The following AIG1 variants were observed in gnomAD, a reference collection of about 807,000 sequenced individuals.
AIG1 encodes androgen induced 1.
A neutral mutation model predicts 31.4 loss-of-function variants in AIG1; 23 were observed. The ratio of observed to expected loss-of-function variants is 0.73; its 90% confidence interval spans 0.53 to 1.04. The LOEUF (loss-of-function observed/expected upper bound fraction) is 1.04. AIG1 is among the 50% of genes least tolerant of loss of function. The probability of loss-of-function intolerance (pLI) is 0.00; values close to 1 mark genes in which losing one functional copy is unlikely to be tolerated. For missense variants in AIG1, 274 were observed against 295.0 expected, an observed-to-expected ratio of 0.93 and a Z score of 0.52; for synonymous variants, 100 against 110.5, an observed-to-expected ratio of 0.90 and a Z score of 0.60.
At chr6:143,124,097 T>C (rs527946408) in intron 1 of AIG1, among the ~76,000 whole-genome samples, 23 of 152,348 alleles carry the variant, frequency 1.5e-4, no homozygotes, top group Non-Finnish European at 7.3e-5. Flanking sequence ...AACAAAGTCA[T>C]GGTGAATTAC....
chr6:143,323,792 C>T (rs1420925957), intron 4 of AIG1, among the ~76,000 whole-genome samples: 1 of 152,120 alleles, frequency 6.6e-6, no homozygotes, highest in Admixed American at 6.5e-5. Flanking sequence ...ACTCAAGAAA[C>T]ATTCATTGAA....
In AIG1 at chr6:143,299,897, A is replaced by G. The variant is rs75271063; in HGVS notation, c.515+15672A>G. Among the ~76,000 whole-genome samples, 1 of 152,128 alleles carries G rather than the reference A, an allele frequency of 6.6e-6. No individual in the cohort carries two copies. The highest frequency in any genetic ancestry group is 2.4e-5 in the African/African-American group (1 of 41,416). ...TCACATCCTCCAGAAGCTTTCCCTGACATTCTGAGTCAGTGTCAGGTGCCC... is the reference window on the plus strand; with the variant it reads ...TCACATCCTCCAGAAGCTTTCCCTGGCATTCTGAGTCAGTGTCAGGTGCCC... On this transcript the variant is annotated intron_variant, in intron 4 of 5. Coordinates refer to ENST00000357847, the MANE Select transcript of AIG1 (RefSeq NM_016108.4). This position sits in a 1 kb window ranked among gnomAD's most constrained non-coding sequence, Gnocchi z 4.1.
rs532150951 is a variant in AIG1, at chr6:143,279,912, T to C, written c.400-4198T>C. 1.2e-4 allele frequency among the ~76,000 whole-genome samples: 19 copies of C among 152,344 alleles called. No homozygotes were observed. In the South Asian group the frequency reaches 3.7e-3, roughly 30 times the overall value. ...AAGACCAAAGGTTTACTCCTTGGGC[T>C]GTCAACCTTCATTTTACTTAGCTCT... On this transcript the variant is annotated intron_variant, in intron 3 of 5. Transcript: ENST00000357847. The surrounding 1 kb of genome is among the most constrained non-coding windows in gnomAD (Gnocchi z 5.4).
At chr6:143,316,488 G>A (rs1775750653) in intron 4 of AIG1, among the ~76,000 whole-genome samples, 1 of 152,010 alleles carries the variant, frequency 6.6e-6, no homozygotes, top group Non-Finnish European at 1.5e-5. Flanking sequence ...AGCAAAAGGG[G>A]ATACAGCAAA....
At position 143,137,002 on chromosome 6, in the gene AIG1, G is replaced by A. The variant is rs1462245637; in HGVS notation, c.297+12G>A. 2 of 1,381,150 alleles carry A rather than the reference G, an allele frequency of 1.4e-6. No individual in the cohort carries two copies. Among genetic ancestry groups the A allele is most frequent in the Non-Finnish European group, 1.9e-6 (2 of 1,052,316 alleles). The allele number at this position is 1,381,150 out of a possible 1,614,324, so 85.6% of individuals were successfully genotyped here. On this transcript the variant is annotated intron_variant, in intron 2 of 5. Transcript: ENST00000357847. ...TTCCTGTTGGGGTTGTGAGTATGAT[G>A]GAGGATGCATTTAGCCACAAAAGAA... is the stretch of plus-strand genomic sequence containing the variant.
intron 3 of AIG1, among the ~76,000 whole-genome samples, chr6:143,197,230 C>G (rs551192061): frequency 2.0e-5 from 3 of 151,396 alleles, no homozygotes; most frequent in African/African-American, 7.3e-5. Flanking sequence ...CTTTTTCTAA[C>G]TAAAATAATT....
chr6:143,331,784 C>T lies in AIG1; in HGVS notation c.516-1498C>T, dbSNP rs1412423099. Among the ~76,000 whole-genome samples the T allele has an allele frequency of 1.1e-4, 16 of 151,398 alleles. No homozygotes were observed. Among genetic ancestry groups the T allele is most frequent in the Admixed American group, 1.1e-3 (16 of 15,188 alleles). On this transcript the variant is annotated intron_variant, in intron 4 of 5. Transcript: ENST00000357847. The surrounding 1 kb of genome is among the most constrained non-coding windows in gnomAD (Gnocchi z 4.1). The stretch of plus-strand genomic sequence containing the variant: ...GGGGATCTCACCCTCATTGATAACG[C>T]AGGTTCTCAGGTATAGATCCCCAGG...
At chr6:143,234,384 ATAGAT>A (rs1188193262) in intron 3 of AIG1, among the ~76,000 whole-genome samples, 2 of 152,210 alleles carry the variant, frequency 1.3e-5, no homozygotes, top group Admixed American at 1.3e-4. Flanking sequence ...TCTTTCAGAA[ATAGAT>A]TAGAGTGATG....
intron 4 of AIG1, among the ~76,000 whole-genome samples, chr6:143,312,791 A>G (rs987247982): frequency 1.3e-5 from 2 of 150,992 alleles, no homozygotes; most frequent in Admixed American, 6.6e-5. Flanking sequence ...TGGGAAAAAA[A>G]ATACTTGAAA....
intron 2 of AIG1, among the ~76,000 whole-genome samples, chr6:143,150,870 T>C (rs946306190): frequency 6.6e-6 from 1 of 152,188 alleles, no homozygotes; most frequent in Non-Finnish European, 1.5e-5. Context: ...ATTAGTTTAG[T>C]ATAACTTTGT....
intron 3 of AIG1, among the ~76,000 whole-genome samples, chr6:143,270,471 T>A (rs1006483692): frequency 5.9e-5 from 9 of 152,240 alleles, no homozygotes; most frequent in Non-Finnish European, 1.3e-4. Flanking sequence ...ATGCTTTGTG[T>A]TGAAAGTGTG....
intron 3 of AIG1, among the ~76,000 whole-genome samples, chr6:143,202,706 A>G (rs2128608001): frequency 6.6e-6 from 1 of 152,226 alleles, no homozygotes; most frequent in South Asian, 2.1e-4. Context: ...GGAATGGGAG[A>G]TCACTGAAAC....
intron 2 of AIG1, among the ~76,000 whole-genome samples, chr6:143,140,332 AT>A (rs34358559): frequency 3.3e-5 from 5 of 151,550 alleles, no homozygotes; most frequent in African/African-American, 7.3e-5. Flanking sequence ...TTAACACAAA[AT>A]TTTTTTTTCA....
In AIG1 at chr6:143,327,674, A is replaced by G. The variant is rs1322442508; in HGVS notation, c.516-5608A>G. The G allele has an allele frequency of 5.9e-6, 1 of 169,462 alleles. No individual in the cohort carries two copies. The highest frequency in any genetic ancestry group is 1.2e-5 in the Non-Finnish European group (1 of 82,934). 10.5% of individuals were successfully genotyped at this position (169,462 alleles called of 1,614,324 possible). On this transcript the variant is annotated intron_variant, in intron 4 of 5. Coordinates refer to ENST00000357847, the MANE Select transcript of AIG1 (RefSeq NM_016108.4). This position sits in a 1 kb window ranked among gnomAD's most constrained non-coding sequence, Gnocchi z 5.3. ...GAACTAACTGCTGATTGTCAAATAC[A>G]TCAAATAAAGTTATAAAATTGTAAA...
At chr6:143,157,973 A>G (rs1288244183) in intron 2 of AIG1, among the ~76,000 whole-genome samples, 1 of 152,208 alleles carries the variant, frequency 6.6e-6, no homozygotes, top group African/African-American at 2.4e-5. Flanking sequence ...TATTTGTGAA[A>G]GGATAGAACT....
At chr6:143,155,844 G>T (rs1208990153) in intron 2 of AIG1, among the ~76,000 whole-genome samples, 1 of 152,178 alleles carries the variant, frequency 6.6e-6, no homozygotes, top group African/African-American at 2.4e-5. Flanking sequence ...AAGGAAGTTT[G>T]ATTTTTTGTC....
At position 143,330,077 on chromosome 6, in the gene AIG1, A is replaced by G. The variant is rs533604937; in HGVS notation, c.516-3205A>G. On this transcript the variant is annotated intron_variant, in intron 4 of 5. Transcript: ENST00000357847. This position sits in a 1 kb window ranked among gnomAD's most constrained non-coding sequence, Gnocchi z 4.4. ...GCCATATAGTAATGGCTCAATAAAC[A>G]GATGTTGCTGTTTATATTCCTTCAT... Among the ~76,000 whole-genome samples the G allele has an allele frequency of 4.5e-4, 69 of 152,310 alleles. No homozygotes were observed. The highest frequency in any genetic ancestry group is 3.7e-3 in the South Asian group (18 of 4,826).
At chr6:143,205,678 A>G (rs1337571708) in intron 3 of AIG1, among the ~76,000 whole-genome samples, 2 of 152,226 alleles carry the variant, frequency 1.3e-5, no homozygotes, top group Non-Finnish European at 2.9e-5. Flanking sequence ...TACAACACAG[A>G]TGTGGATTTT....
At chr6:143,251,529 G>C (rs1795014342) in intron 3 of AIG1, among the ~76,000 whole-genome samples, 1 of 140,352 alleles carries the variant, frequency 7.1e-6, no homozygotes, top group Non-Finnish European at 1.5e-5. Flanking sequence ...TGGGGTAGAG[G>C]GTAACACCTT....
Sources: allele counts gnomAD v4.1 joint callset (sites outside exome capture counted in the v4.1 genomes callset), GRCh38; gene constraint gnomAD v4.1.1; non-coding constraint Gnocchi (gnomAD v3.1); transcripts MANE v1.5; gene names NCBI Gene and HGNC (gene_info 2026-07-23, HGNC 2026-07-21).